The following GRIN2B variants were observed in gnomAD, a reference collection of about 807,000 sequenced individuals.
GRIN2B encodes the protein glutamate receptor ionotropic, NMDA 2B.
GRIN2B carries 5 observed loss-of-function variants against 114.5 expected under a neutral mutation model. The ratio of observed to expected loss-of-function variants is 0.04; its 90% CI spans 0.02 to 0.09. The LOEUF is 0.09. Among genes scored for constraint, GRIN2B ranks in the 10% least tolerant of loss-of-function variants. GRIN2B has a pLI of 1.00. For missense variants in GRIN2B, 1,108 were observed against 1,943.5 expected (o/e 0.57, Z 8.08); for synonymous variants, 787 against 745.1 (o/e 1.06, Z -0.92).
rs1414774049 is a variant in GRIN2B, at chr12:13,555,883, C to G, written c.*6900G>C. 6.6e-6 allele frequency: 1 copy of G among 152,152 alleles called. No homozygotes were observed. The highest frequency in any genetic ancestry group is 1.5e-5 in the Non-Finnish European group (1 of 68,036). The allele number at this position is 152,152 out of a possible 1,614,324, so 9.4% of individuals were successfully genotyped here. ...AAATTGATTGAATTTGTGCTCTTCA[C>G]GTAGGTTTAAGACTTGCTCTTCTTG... is the stretch of plus-strand genomic sequence containing the variant. On this transcript the variant is annotated 3_prime_UTR_variant, in exon 14 of 14. Transcript: ENST00000609686.
At chr12:13,865,650 A>C in intron 3 of GRIN2B, 148 bp downstream of exon 3, 1 of 788,568 alleles carries the variant, frequency 1.3e-6, no homozygotes, top group Non-Finnish European at 2.2e-6. Flanking sequence ...GAGAGAGAAA[A>C]AAAAAGGATT....
At chr12:13,587,344 C>CTTTTTTTTTTCTTTTTTTTTTTTTTT (rs1948941992) in intron 10 of GRIN2B, among the ~76,000 whole-genome samples, 1 of 138,980 alleles carries the variant, frequency 7.2e-6, no homozygotes, top group Non-Finnish European at 1.6e-5. Context: ...CTTTTTATTT[C>CTTTTTTTTTTCTTTTTTTTTTTTTTT]TTTTTTTTTT....
intron 3 of GRIN2B, among the ~76,000 whole-genome samples, chr12:13,850,188 C>T (rs1290859843): frequency 1.3e-5 from 2 of 152,158 alleles, no homozygotes; most frequent in Admixed American, 1.3e-4. Flanking sequence ...AAAGATTGCT[C>T]TAAGACCTAT....
rs1276450231 is a variant in GRIN2B at position 13,981,337 on chromosome 12, C to G, written c.-448+5G>C. The G allele has an allele frequency of 6.6e-6, 1 of 152,238 alleles. No homozygotes were observed. The highest frequency in any genetic ancestry group is 6.5e-5 in the Admixed American group (1 of 15,288). The allele number at this position is 152,238 out of a possible 1,614,324, so 9.4% of individuals were successfully genotyped here. A position where few individuals can be genotyped will look rare whatever the true frequency, so the allele number is the denominator to read the frequency against. ...GGAGAGACTCCAAAGCCCATCTTTA[C>G]GTACCGGCTCCGAGCGCCTCCGCGG... is the stretch of plus-strand genomic sequence containing the variant. On this transcript the variant is annotated splice_donor_5th_base_variant and intron_variant, in intron 1 of 13. Coordinates refer to ENST00000609686, the MANE Select transcript of GRIN2B (RefSeq NM_000834.5).
intron 2 of GRIN2B, among the ~76,000 whole-genome samples, chr12:13,916,092 G>A (rs191759949): frequency 1.6e-4 from 24 of 152,158 alleles, no homozygotes; most frequent in African/African-American, 5.5e-4. Context: ...AGAGCTTTGA[G>A]GCCAGGAAAT....
chr12:13,959,597 C>A (rs1867654726), intron 2 of GRIN2B, among the ~76,000 whole-genome samples: 1 of 151,900 alleles, frequency 6.6e-6, no homozygotes, highest in African/African-American at 2.4e-5. Flanking sequence ...GGAGGGAGAA[C>A]CGGCTGACAT....
At chr12:13,805,524 G>C (rs1487473104) in intron 3 of GRIN2B, among the ~76,000 whole-genome samples, 1 of 152,032 alleles carries the variant, frequency 6.6e-6, no homozygotes, top group East Asian at 1.9e-4. Flanking sequence ...ATCTTTCTAA[G>C]AAACAATAAG....
At chr12:13,777,109 G>C (rs1864020133) in intron 3 of GRIN2B, among the ~76,000 whole-genome samples, 1 of 152,094 alleles carries the variant, frequency 6.6e-6, no homozygotes, top group South Asian at 2.1e-4. Context: ...AGGTGAACAA[G>C]AAGAATCTAA....
intron 12 of GRIN2B, among the ~76,000 whole-genome samples, chr12:13,567,764 A>T (rs1948659974): frequency 1.3e-5 from 2 of 152,108 alleles, no homozygotes. Context: ...GGAACACACA[A>T]GGCTTGTTTA....
intron 5 of GRIN2B, among the ~76,000 whole-genome samples, chr12:13,630,154 A>G (rs367734326): frequency 1.6e-4 from 25 of 152,222 alleles, no homozygotes; most frequent in Admixed American, 7.2e-4. Context: ...AGCTAAACAC[A>G]TAACAGCAAG....
chr12:13,656,049 C>G (rs1949859809), intron 5 of GRIN2B, among the ~76,000 whole-genome samples: 1 of 151,662 alleles, frequency 6.6e-6, no homozygotes, highest in Non-Finnish European at 1.5e-5. Flanking sequence ...CGTTCTCTTG[C>G]TTCTCTGCCT....
chr12:13,693,955 T>C (rs565846663), intron 4 of GRIN2B, among the ~76,000 whole-genome samples: 2 of 152,200 alleles, frequency 1.3e-5, no homozygotes, highest in Admixed American at 1.3e-4. Context: ...TGCTCTCAGA[T>C]GCACTCTCCT....
rs538408402 is a variant in GRIN2B, at chr12:13,795,406, C to G, written c.412-41491G>C. ...AAAAAACGTTTTACAATTGGAAGAA[C>G]TGAATTTGATCTTGCCATGCACTTT... On this transcript the variant is annotated intron_variant, in intron 3 of 13. Coordinates refer to ENST00000609686, the MANE Select transcript of GRIN2B (RefSeq NM_000834.5). 1.3e-4 allele frequency among the ~76,000 whole-genome samples: 19 copies of G among 151,306 alleles called. 1 individual carries two copies. In the South Asian group the frequency reaches 3.6e-3, roughly 28 times the overall value.
At chr12:13,625,877 T>A (rs1383407120) in intron 5 of GRIN2B, among the ~76,000 whole-genome samples, 1 of 152,196 alleles carries the variant, frequency 6.6e-6, no homozygotes, top group Non-Finnish European at 1.5e-5. Context: ...AACCCCTCCC[T>A]GGGACAAGAT....
At chr12:13,825,642 G>A (rs967965110) in intron 3 of GRIN2B, among the ~76,000 whole-genome samples, 7 of 151,220 alleles carry the variant, frequency 4.6e-5, no homozygotes, top group South Asian at 2.1e-4. Flanking sequence ...TCTGCCTCCC[G>A]AGTAGCTGGG....
At chr12:13,626,772 C>A (rs1402419619) in intron 5 of GRIN2B, among the ~76,000 whole-genome samples, 2 of 149,326 alleles carry the variant, frequency 1.3e-5, no homozygotes, top group Non-Finnish European at 3.0e-5. Flanking sequence ...AGCTACCAAC[C>A]AGCCATCCCT....
chr12:13,877,355 C>T (rs540992708), intron 2 of GRIN2B, among the ~76,000 whole-genome samples: 18 of 152,304 alleles, frequency 1.2e-4, no homozygotes, highest in South Asian at 4.1e-4. Context: ...GGTTATCAGG[C>T]CAACTATAGG....
At chr12:13,797,830 G>A (rs1237421366) in intron 3 of GRIN2B, among the ~76,000 whole-genome samples, 8 of 152,156 alleles carry the variant, frequency 5.3e-5, no homozygotes, top group Non-Finnish European at 1.2e-4. Context: ...TCTCCCTCAC[G>A]AAAGCACAGG....
chr12:13,649,173 C>T (rs924033134), intron 5 of GRIN2B, among the ~76,000 whole-genome samples: 13 of 151,860 alleles, frequency 8.6e-5, no homozygotes, highest in Admixed American at 2.6e-4. Flanking sequence ...TATGTGAAGC[C>T]GGTAGCATGA....
Sources: gnomAD v4.1 joint callset for allele counts (sites outside exome capture counted in the v4.1 genomes callset) on GRCh38, gnomAD v4.1.1 for gene constraint, MANE v1.5 for transcripts, NCBI Gene and HGNC (gene_info 2026-07-23, HGNC 2026-07-21) for gene names.